Variants in TMEM132D observed in about 807,000 individuals in gnomAD.
TMEM132D encodes the protein mature OL transmembrane protein.
TMEM132D carries 21 observed loss-of-function variants against 62.3 expected under a neutral mutation model. The ratio of observed to expected loss-of-function variants is 0.34; its 90% CI spans 0.24 to 0.49. The LOEUF (loss-of-function observed/expected upper bound fraction) is 0.49, where lower values mean the gene tolerates loss of function less well. TMEM132D is among the 20% of genes least tolerant of loss of function. TMEM132D has a pLI of 0.99. For synonymous variants in TMEM132D, 621 were observed against 575.6 expected, an observed-to-expected ratio of 1.08 and a Z score of -1.13; for missense variants, 1,346 against 1,402.8, an observed-to-expected ratio of 0.96 and a Z score of 0.65.
intron 1 of TMEM132D, among the ~76,000 whole-genome samples, chr12:129,902,023 C>G (rs972032824): frequency 1.3e-5 from 2 of 152,148 alleles, no homozygotes; most frequent in African/African-American, 4.8e-5. Flanking sequence ...AGGGATTGTT[C>G]TAACTCATAA....
intron 4 of TMEM132D, among the ~76,000 whole-genome samples, chr12:129,321,928 G>A (rs60530205): frequency 6.6e-6 from 1 of 152,020 alleles, no homozygotes; most frequent in Non-Finnish European, 1.5e-5. Context: ...CGGACACACA[G>A]ATATGTCTAT....
At chr12:129,791,547 G>A (rs771722673) in intron 1 of TMEM132D, among the ~76,000 whole-genome samples, 4 of 152,036 alleles carry the variant, frequency 2.6e-5, no homozygotes, top group South Asian at 2.1e-4. Flanking sequence ...AGCTGTCATC[G>A]CCTTGAATTC....
intron 3 of TMEM132D, among the ~76,000 whole-genome samples, chr12:129,343,187 C>T (rs574962525): frequency 2.0e-5 from 3 of 152,144 alleles, no homozygotes; most frequent in African/African-American, 4.8e-5. Context: ...AAATGTCCAA[C>T]AATGATAGAC....
At chr12:129,718,580 G>C (rs1424994363) in intron 1 of TMEM132D, among the ~76,000 whole-genome samples, 3 of 152,140 alleles carry the variant, frequency 2.0e-5, no homozygotes, top group Admixed American at 6.5e-5. Flanking sequence ...AAAGTGGGGA[G>C]AAAAAGGAAG....
intron 4 of TMEM132D, among the ~76,000 whole-genome samples, chr12:129,327,000 G>A (rs1308168075): frequency 6.6e-6 from 1 of 152,192 alleles, no homozygotes; most frequent in Non-Finnish European, 1.5e-5. Flanking sequence ...CAGCTGTTAA[G>A]TGCAGACTGA....
chr12:129,292,167 A>G (rs766040141), intron 4 of TMEM132D, among the ~76,000 whole-genome samples: 1 of 152,212 alleles, frequency 6.6e-6, no homozygotes, highest in Non-Finnish European at 1.5e-5. Flanking sequence ...TTTCCCCATG[A>G]TTTAGCAAAA....
Position 129,832,246 on chromosome 12 carries a change from G to A in TMEM132D, c.79+71015C>T, listed in dbSNP as rs563886069. On this transcript the variant is annotated intron_variant, in intron 1 of 8. Coordinates refer to ENST00000422113, the MANE Select transcript of TMEM132D (RefSeq NM_133448.3). ...ACAGGAGGAAGAGATATAGAATAACGGAAAGAAAAGAAGGAGAGGAAAAAG... is the reference window on the plus strand; with the variant it reads ...ACAGGAGGAAGAGATATAGAATAACAGAAAGAAAAGAAGGAGAGGAAAAAG... Among the ~76,000 whole-genome samples the A allele has an allele frequency of 1.8e-3, 272 of 150,556 alleles. 4 individuals carry two copies. The highest frequency in any genetic ancestry group is 6.4e-3 in the African/African-American group (263 of 40,950).
At chr12:129,215,560 C>T (rs1879176867) in intron 4 of TMEM132D, among the ~76,000 whole-genome samples, 1 of 152,140 alleles carries the variant, frequency 6.6e-6, no homozygotes. Context: ...TCCTTTCTTC[C>T]TGCCCACTAG....
chr12:129,572,411 G>A (rs1353517972), intron 2 of TMEM132D, among the ~76,000 whole-genome samples: 1 of 152,092 alleles, frequency 6.6e-6, no homozygotes, highest in Non-Finnish European at 1.5e-5. Flanking sequence ...AGGCAGGCCT[G>A]CACCCAGGGC....
At chr12:129,254,450 A>G (rs1026911554) in intron 4 of TMEM132D, among the ~76,000 whole-genome samples, 3 of 152,222 alleles carry the variant, frequency 2.0e-5, no homozygotes, top group African/African-American at 7.2e-5. Context: ...GACTTGGTTC[A>G]ATCCCAGCTC....
At chr12:129,783,676 A>C (rs1871181689) in intron 1 of TMEM132D, among the ~76,000 whole-genome samples, 1 of 152,248 alleles carries the variant, frequency 6.6e-6, no homozygotes, top group Non-Finnish European at 1.5e-5. Context: ...TCTGCACATT[A>C]GAATATTTTG....
rs558458453 is a variant in TMEM132D, at chr12:129,817,514, C to G, written c.79+85747G>C. ...GGTAAAACCTCAGGTCTCACTCCTT[C>G]CATTTTCAGTCTGAGAACCCAAAGC... is the stretch of plus-strand genomic sequence containing the variant. On this transcript the variant is annotated intron_variant, in intron 1 of 8. Coordinates refer to ENST00000422113, the MANE Select transcript of TMEM132D (RefSeq NM_133448.3). Among the ~76,000 whole-genome samples, 39 of 152,290 alleles carry G rather than the reference C, an allele frequency of 2.6e-4. 1 individual carries two copies. In the South Asian group the frequency reaches 6.4e-3, roughly 25 times the overall value.
intron 5 of TMEM132D, among the ~76,000 whole-genome samples, chr12:129,096,220 C>T (rs1440994349): frequency 1.3e-5 from 2 of 152,184 alleles, no homozygotes; most frequent in African/African-American, 2.4e-5. Context: ...TTAAAGTTCA[C>T]ACAGCTAGGA....
At chr12:129,475,495 T>C (rs963758321) in intron 3 of TMEM132D, among the ~76,000 whole-genome samples, 13 of 152,224 alleles carry the variant, frequency 8.5e-5, no homozygotes, top group African/African-American at 2.9e-4. Context: ...AGTCAGGTCT[T>C]CTTGAAAAAG....
intron 2 of TMEM132D, among the ~76,000 whole-genome samples, chr12:129,668,216 T>C (rs551873921): frequency 7.4e-5 from 11 of 147,874 alleles, no homozygotes; most frequent in Admixed American, 4.7e-4. Context: ...ATAATGTTGA[T>C]ATAATTTAGT....
At chr12:129,488,226 C>T (rs1244086154) in intron 3 of TMEM132D, among the ~76,000 whole-genome samples, 1 of 152,164 alleles carries the variant, frequency 6.6e-6, no homozygotes, top group African/African-American at 2.4e-5. Flanking sequence ...TACAGCAACA[C>T]AAACAAGCTG....
chr12:129,531,169 C>T lies in TMEM132D; in HGVS notation c.1005G>A (p.Val335=). Residue 335 remains valine, a synonymous_variant, in exon 3 of 9, where the codon GTG becomes GTA. Coordinates refer to ENST00000422113, the MANE Select transcript of TMEM132D (RefSeq NM_133448.3). ...CCCAAATGGAAGGGCTGCTGGCTCG[C>T]ACGCCGATGATGTTCACGCCTTTCT... ...KVKKGVNIIG[V]RASSPSIWDV... is the part of the protein sequence containing the mutation. 1 of 1,613,380 alleles carries T rather than the reference C, an allele frequency of 6.2e-7. No individual in the cohort carries two copies. Among genetic ancestry groups the T allele is most frequent in the Non-Finnish European group, 8.5e-7 (1 of 1,179,872 alleles).
chr12:129,655,050 T>A (rs1593107176), intron 2 of TMEM132D, among the ~76,000 whole-genome samples: 1 of 148,306 alleles, frequency 6.7e-6, no homozygotes, highest in East Asian at 2.1e-4. Flanking sequence ...CGGGTTCAAG[T>A]CATTCTCCTG....
rs551956964 is a variant in TMEM132D, at chr12:129,135,634, T to C, written c.1444-50932A>G. On this transcript the variant is annotated intron_variant, in intron 5 of 8. Transcript: ENST00000422113. ...GCTTCTGTAACAAGGCACTATAAGC[T>C]GTGTGCCTTAGAACAAATAGTTTTT... 2.1e-5 allele frequency among the ~76,000 whole-genome samples: 3 copies of C among 144,784 alleles called. No individual in the cohort carries two copies. In the East Asian group the frequency reaches 6.1e-4, roughly 29 times the overall value. The allele number at this position is 144,784 out of a possible 152,430, so 95.0% of individuals were successfully genotyped here. A position where few individuals can be genotyped will look rare whatever the true frequency, so the allele number is the denominator to read the frequency against.
Sources: gnomAD v4.1 joint callset for allele counts (sites outside exome capture counted in the v4.1 genomes callset) on GRCh38, gnomAD v4.1.1 for gene constraint, MANE v1.5 for transcripts, NCBI Gene and HGNC (gene_info 2026-07-23, HGNC 2026-07-21) for gene names.